Variants in OSBP2 observed in about 807,000 individuals in gnomAD.
OSBP2 encodes oxysterol-binding protein 2.
In OSBP2, 66 loss-of-function variants were observed where a neutral mutation model predicts 96.0. The observed-to-expected ratio is 0.69, with a 90% CI of 0.56 to 0.84. The LOEUF (loss-of-function observed/expected upper bound fraction) is 0.84, where lower values mean the gene tolerates loss of function less well. Among genes scored for constraint, OSBP2 ranks in the 40% least tolerant of loss-of-function variants. The pLI, the probability that OSBP2 is intolerant of heterozygous loss-of-function variation, is 0.00. For synonymous variants in OSBP2, 525 were observed against 520.9 expected (o/e 1.01, Z -0.11); for missense variants, 1,038 against 1,222.7 (o/e 0.85, Z 2.25).
chr22:30,742,026 G>A (rs557999056), intron 2 of OSBP2, among the ~76,000 whole-genome samples: 3 of 151,944 alleles, frequency 2.0e-5, no homozygotes, highest in Admixed American at 6.5e-5. Flanking sequence ...CATCACGTTG[G>A]CCAGGCTGGT....
At chr22:30,789,943 G>A (rs577058352) in intron 2 of OSBP2, among the ~76,000 whole-genome samples, 2 of 152,264 alleles carry the variant, frequency 1.3e-5, no homozygotes, top group African/African-American at 4.8e-5. Flanking sequence ...AGAGGAATGT[G>A]AATCTCGGTG....
chr22:30,725,539 C>T (rs1050770638), intron 1 of OSBP2, among the ~76,000 whole-genome samples: 1 of 135,424 alleles, frequency 7.4e-6, no homozygotes, highest in Admixed American at 7.6e-5. Context: ...AAAACAAAAA[C>T]AAAAACAAAA....
intron 1 of OSBP2, among the ~76,000 whole-genome samples, chr22:30,735,410 C>CTTTTTTTTTTTTTTTT (rs774749546): frequency 9.9e-6 from 1 of 100,596 alleles, no homozygotes; most frequent in Admixed American, 1.1e-4. Flanking sequence ...TCTTCTCTCT[C>CTTTTTTTTTTTTTTTT]TTTTTTTTTT....
intron 9 of OSBP2, 88 bp from the exon 10 acceptor site, chr22:30,893,375 C>G: frequency 6.5e-7 from 1 of 1,539,736 alleles, no homozygotes; most frequent in South Asian, 1.1e-5. Flanking sequence ...AACCCCCCAG[C>G]CTAGTTCTCA....
chr22:30,823,384 A>G (rs769169589), intron 2 of OSBP2, among the ~76,000 whole-genome samples: 8 of 152,220 alleles, frequency 5.3e-5, no homozygotes, highest in Non-Finnish European at 8.8e-5. Flanking sequence ...GCGTGAGTGA[A>G]ATTTGCTGTA....
upstream of OSBP2, chr22:30,694,064 CACAGACAGGTAA>C (rs2088973305): frequency 6.9e-7 from 1 of 1,446,548 alleles, no homozygotes; most frequent in African/African-American, 1.9e-5. Flanking sequence ...TGGAAAAATG[CACAGACAGGTAA>C]ACCTCTGCGG....
At chr22:30,897,562 GA>G (rs1602438351) in intron 12 of OSBP2, among the ~76,000 whole-genome samples, 1 of 152,012 alleles carries the variant, frequency 6.6e-6, no homozygotes, top group Admixed American at 6.6e-5. Context: ...AAATATTTGG[GA>G]AAAAATTTTA....
At chr22:30,776,613 T>G (rs1338847896) in intron 2 of OSBP2, among the ~76,000 whole-genome samples, 1 of 152,108 alleles carries the variant, frequency 6.6e-6, no homozygotes, top group African/African-American at 2.4e-5. Context: ...TCCTTTTCTT[T>G]TTTTGGAACT....
chr22:30,852,685 T>C (rs865978161), intron 2 of OSBP2, among the ~76,000 whole-genome samples: 28 of 152,312 alleles, frequency 1.8e-4, no homozygotes, highest in Middle Eastern at 6.8e-3. Flanking sequence ...GAATATAATT[T>C]ACTCCTCTTT....
intron 2 of OSBP2, among the ~76,000 whole-genome samples, chr22:30,810,574 C>T (rs998524921): frequency 6.6e-6 from 1 of 152,124 alleles, no homozygotes; most frequent in African/African-American, 2.4e-5. Context: ...CAGCCGGAAG[C>T]CTGGCTGCAG....
At chr22:30,861,205 C>T (rs994806020) in intron 2 of OSBP2, among the ~76,000 whole-genome samples, 2 of 152,204 alleles carry the variant, frequency 1.3e-5, no homozygotes, top group African/African-American at 4.8e-5. Context: ...GACCAGCCTA[C>T]AGATTGATGT....
intron 2 of OSBP2, among the ~76,000 whole-genome samples, chr22:30,855,690 C>T (rs1475774636): frequency 6.6e-6 from 1 of 152,176 alleles, no homozygotes; most frequent in East Asian, 1.9e-4. Context: ...CCTGTCTCTT[C>T]TAGCGCTAGT....
chr22:30,786,040 G>T (rs1569123199), intron 2 of OSBP2, among the ~76,000 whole-genome samples: 1 of 151,998 alleles, frequency 6.6e-6, no homozygotes, highest in East Asian at 1.9e-4. Context: ...GTGTGTGTGT[G>T]TGTACAGAAG....
At chr22:30,894,231 C>A in intron 12 of OSBP2, 1 of 479,728 alleles carries the variant, frequency 2.1e-6, no homozygotes, top group Non-Finnish European at 3.7e-6. Context: ...GGACAGAGCC[C>A]CTCCCTGTTC....
chr22:30,695,076 C>T lies in OSBP2; in HGVS notation c.167C>T (p.Pro56Leu), dbSNP rs1480491592. 15 of 1,582,360 alleles carry T rather than the reference C, an allele frequency of 9.5e-6. No individual in the cohort carries two copies. Among genetic ancestry groups the T allele is most frequent in the Non-Finnish European group, 1.2e-5 (14 of 1,164,874 alleles). The change falls in exon 1 of 14, where the codon CCC (proline) becomes CTC (leucine). Residue 56 changes from proline to leucine, a missense_variant. By Grantham distance (98) the Pro-to-Leu change is moderately conservative. Coordinates refer to ENST00000332585, the MANE Select transcript of OSBP2 (RefSeq NM_030758.4). ...CCGGAGCCCAAGCCCCAGCCCCAGC[C>T]CGTGCCCGAACCGGAGCGGGGACCG... ...SGPEPKPQPQ[P>L]VPEPERGPLS...
intron 2 of OSBP2, among the ~76,000 whole-genome samples, chr22:30,850,179 G>T (rs1218298365): frequency 6.6e-6 from 1 of 151,870 alleles, no homozygotes; most frequent in African/African-American, 2.4e-5. Flanking sequence ...GGTGCTGTGT[G>T]CCTATAGTCC....
chr22:30,901,859 T>TC (rs1318111387), intron 12 of OSBP2, among the ~76,000 whole-genome samples: 2 of 151,406 alleles, frequency 1.3e-5, no homozygotes, highest in Non-Finnish European at 2.9e-5. Context: ...TGAAATTCTG[T>TC]CCCCCCACAA....
At position 30,710,247 on chromosome 22, in the gene OSBP2, G is replaced by T. The variant is rs550107226; in HGVS notation, c.644+14694G>T. On this transcript the variant is annotated intron_variant, in intron 1 of 13. Transcript: ENST00000332585. ...ATCTGCTACTCGATGGTTACTCAGA[G>T]GTGCAGTTCACACAGGAAGAGCAGA... is the stretch of plus-strand genomic sequence containing the variant. Among the ~76,000 whole-genome samples, 8 of 152,234 alleles carry T rather than the reference G, an allele frequency of 5.3e-5. No individual in the cohort carries two copies. The South Asian group carries it at 1.5e-3, about 28-fold the overall frequency.
At chr22:30,864,960 G>A (rs1033597932) in intron 2 of OSBP2, among the ~76,000 whole-genome samples, 2 of 152,192 alleles carry the variant, frequency 1.3e-5, no homozygotes, top group African/African-American at 2.4e-5. Flanking sequence ...GCACCACCGG[G>A]TCACCTTCCC....
Sources: allele counts gnomAD v4.1 joint callset (sites outside exome capture counted in the v4.1 genomes callset), GRCh38; gene constraint gnomAD v4.1.1; transcripts MANE v1.5; gene names NCBI Gene and HGNC (gene_info 2026-07-23, HGNC 2026-07-21).